SOAT1: variants seen among roughly 807,000 people sequenced by gnomAD.
The protein encoded by SOAT1 is acyl-coenzyme A:cholesterol acyltransferase 1.
Under a neutral mutation model 69.5 loss-of-function variants are expected in SOAT1, and 55 were observed. That is an observed-to-expected ratio of 0.79 (90% CI 0.64 to 0.99). The LOEUF (loss-of-function observed/expected upper bound fraction) is 0.99. Ranked by LOEUF, SOAT1 falls within the 50% of genes least tolerant of loss-of-function variation. The pLI, the probability that SOAT1 is intolerant of heterozygous loss-of-function variation, is 0.00. For synonymous variants in SOAT1, 231 were observed against 224.7 expected (o/e 1.03, Z -0.25); for missense variants, 580 against 669.3 (o/e 0.87, Z 1.47).
At chr1:179,296,942 A>G (rs1664670018) in intron 1 of SOAT1, among the ~76,000 whole-genome samples, 1 of 152,212 alleles carries the variant, frequency 6.6e-6, no homozygotes. Context: ...GCGTGCACAG[A>G]TTAGATTCTT....
At chr1:179,342,616 A>T (rs1666380915) in intron 8 of SOAT1, among the ~76,000 whole-genome samples, 1 of 152,156 alleles carries the variant, frequency 6.6e-6, no homozygotes, top group South Asian at 2.1e-4. Flanking sequence ...GTGCCTGCCT[A>T]TTCTTTGCAA....
At chr1:179,346,026 A>G (rs564609121) in intron 11 of SOAT1, among the ~76,000 whole-genome samples, 3 of 152,274 alleles carry the variant, frequency 2.0e-5, no homozygotes, top group African/African-American at 7.2e-5. Flanking sequence ...GGGAGCTTTT[A>G]TAGTTTCCCT....
At chr1:179,297,733 C>A (rs1233288067) in intron 1 of SOAT1, among the ~76,000 whole-genome samples, 119 of 119,118 alleles carry the variant, frequency 1.0e-3, no homozygotes, top group African/African-American at 1.0e-3. Flanking sequence ...GACTCCGTCT[C>A]AAAAAAAAAA....
Position 179,352,460 on chromosome 1 carries a change from G to T in SOAT1, c.1596+998G>T, listed in dbSNP as rs116208142. ...GCCAGGCTTTTTGTGCATATAGGGC[G>T]TGTCCTATATTTAACATTTTTGTCC... On this transcript the variant is annotated intron_variant, in intron 15 of 15. Transcript: ENST00000367619. Among the ~76,000 whole-genome samples the T allele has an allele frequency of 2.0e-3, 297 of 147,378 alleles. 1 individual carries two copies. The highest frequency in any genetic ancestry group is 6.5e-3 in the African/African-American group (263 of 40,580).
intron 2 of SOAT1, among the ~76,000 whole-genome samples, chr1:179,319,222 A>G (rs1390580804): frequency 2.7e-5 from 3 of 111,286 alleles, no homozygotes; most frequent in Non-Finnish European, 5.8e-5. Flanking sequence ...TTGTGTGGTT[A>G]TTGGGCTTTT....
Position 179,356,315 on chromosome 1 carries a change from A to C in SOAT1, c.*2674A>C, listed in dbSNP as rs1473842318. On this transcript the variant is annotated 3_prime_UTR_variant, in exon 16 of 16. Transcript: ENST00000367619. ...TGACCTTCTAGTACCTTTATGTGTG[A>C]GGATAAATTTGTTAGATCCTTTTAT... The C allele has an allele frequency of 6.6e-6, 1 of 152,102 alleles. No individual in the cohort carries two copies. The highest frequency in any genetic ancestry group is 1.5e-5 in the Non-Finnish European group (1 of 68,028). The allele number at this position is 152,102 out of a possible 1,614,324, so 9.4% of individuals were successfully genotyped here. A position where few individuals can be genotyped will look rare whatever the true frequency, so the allele number is the denominator to read the frequency against.
At chr1:179,312,832 T>G (rs946371252) in intron 2 of SOAT1, among the ~76,000 whole-genome samples, 2 of 152,248 alleles carry the variant, frequency 1.3e-5, no homozygotes, top group Admixed American at 6.5e-5. Flanking sequence ...ACAGCTTTCC[T>G]GATGTTTATT....
At chr1:179,296,414 G>C (rs1461487369) in intron 1 of SOAT1, among the ~76,000 whole-genome samples, 5 of 152,168 alleles carry the variant, frequency 3.3e-5, no homozygotes, top group Non-Finnish European at 7.3e-5. Context: ...CCAGGGAAGA[G>C]TCCCTTTTTC....
chr1:179,342,577 T>C lies in SOAT1; in HGVS notation c.860-285T>C, dbSNP rs1303599745. ...ATCTTTTGCAACTTTGCATTATTTT[T>C]ATGGAATGTTAATAGCCTCATTACA... On this transcript the variant is annotated intron_variant, in intron 8 of 15. Transcript: ENST00000367619. Among the ~76,000 whole-genome samples, 7 of 152,326 alleles carry C rather than the reference T, an allele frequency of 4.6e-5. 1 individual carries two copies. In the South Asian group the frequency reaches 1.5e-3, roughly 32 times the overall value.
rs1387873070 is a variant in SOAT1 at position 179,358,105 on chromosome 1, T to A, written c.*4464T>A. The stretch of plus-strand genomic sequence containing the variant: ...TTAGGTTGGTAGGAAAGCTATGTAA[T>A]CTATATAGTGTACTAAATCCTTATA... On this transcript the variant is annotated 3_prime_UTR_variant, in exon 16 of 16. Coordinates refer to ENST00000367619, the MANE Select transcript of SOAT1 (RefSeq NM_003101.6). 1 of 152,214 alleles carries A rather than the reference T, an allele frequency of 6.6e-6. No individual in the cohort carries two copies. Among genetic ancestry groups the A allele is most frequent in the East Asian group, 1.9e-4 (1 of 5,202 alleles). 9.4% of individuals were successfully genotyped at this position (152,214 alleles called of 1,614,324 possible).
At chr1:179,306,414 A>G (rs553581389) in intron 2 of SOAT1, among the ~76,000 whole-genome samples, 3 of 152,280 alleles carry the variant, frequency 2.0e-5, no homozygotes, top group East Asian at 3.9e-4. Context: ...ATTGGTATAC[A>G]TTTGGTGATT....
intron 1 of SOAT1, among the ~76,000 whole-genome samples, chr1:179,298,002 C>CAAAA (rs59670155): frequency 7.0e-6 from 1 of 143,036 alleles, no homozygotes. Flanking sequence ...AACTCTGTCT[C>CAAAA]AAAAAAAAAA....
rs145364615 is a variant in SOAT1, at chr1:179,304,497, C to T, written c.118+1695C>T. 4.6e-4 allele frequency among the ~76,000 whole-genome samples: 69 copies of T among 151,462 alleles called. 1 individual carries two copies. In the Middle Eastern group the frequency reaches 0.014, roughly 30 times the overall value. On this transcript the variant is annotated intron_variant, in intron 2 of 15. Coordinates refer to ENST00000367619, the MANE Select transcript of SOAT1 (RefSeq NM_003101.6). ...TTTACTATGTTGGTCAGGCTGGTCTCGAACTTTTGACCTCAGGTAATCCAC... is the reference window on the plus strand; with the variant it reads ...TTTACTATGTTGGTCAGGCTGGTCTTGAACTTTTGACCTCAGGTAATCCAC...
At chr1:179,330,805 C>T (rs1665945067) in intron 3 of SOAT1, among the ~76,000 whole-genome samples, 1 of 152,124 alleles carries the variant, frequency 6.6e-6, no homozygotes, top group South Asian at 2.1e-4. Context: ...TTCCAAGTGG[C>T]CAAATTGAGG....
chr1:179,300,644 G>T (rs191412301), intron 1 of SOAT1, among the ~76,000 whole-genome samples: 1 of 151,966 alleles, frequency 6.6e-6, no homozygotes. Context: ...TACAGAAAAG[G>T]ATATTTTAGT....
At position 179,335,369 on chromosome 1, in the gene SOAT1, T is replaced by C. The variant is rs74812410; in HGVS notation, c.178-137T>C. On this transcript the variant is annotated intron_variant, in intron 3 of 15. Coordinates refer to ENST00000367619, the MANE Select transcript of SOAT1 (RefSeq NM_003101.6). ...ACTTCAAGTCAGATACAGGAATTGA[T>C]TTTTTGCTTTTACTCCTGCGAACTC... is the stretch of plus-strand genomic sequence containing the variant. The C allele has an allele frequency of 2.3e-3, 1,604 of 686,056 alleles. 16 individuals are homozygous for C. The African/African-American group carries it at 0.025, about 11-fold the overall frequency. The allele number at this position is 686,056 out of a possible 1,614,324, so 42.5% of individuals were successfully genotyped here.
intron 2 of SOAT1, among the ~76,000 whole-genome samples, chr1:179,305,632 G>A (rs1485302986): frequency 6.6e-6 from 1 of 152,140 alleles, no homozygotes; most frequent in African/African-American, 2.4e-5. Flanking sequence ...GTAAATGTAT[G>A]TTTAACTTTT....
chr1:179,319,195 G>C (rs1170222325), intron 2 of SOAT1, among the ~76,000 whole-genome samples: 2 of 151,282 alleles, frequency 1.3e-5, no homozygotes, highest in African/African-American at 4.9e-5. Context: ...TGATGGCCAG[G>C]GATGTTGAGT....
chr1:179,315,567 G>A (rs932056290), intron 2 of SOAT1, among the ~76,000 whole-genome samples: 2 of 151,998 alleles, frequency 1.3e-5, no homozygotes, highest in Non-Finnish European at 2.9e-5. Context: ...GAATTTCTTT[G>A]TAATATTGTA....
Sources: allele counts gnomAD v4.1 joint callset (sites outside exome capture counted in the v4.1 genomes callset), GRCh38; gene constraint gnomAD v4.1.1; transcripts MANE v1.5; gene names NCBI Gene and HGNC (gene_info 2026-07-23, HGNC 2026-07-21).